The following TTC21B variants were observed in gnomAD, a reference collection of about 807,000 sequenced individuals.
TTC21B encodes tetratricopeptide repeat domain 21B, also known as tetratricopeptide repeat protein 21B.
Under a neutral mutation model 175.1 loss-of-function variants are expected in TTC21B, and 127 were observed. That is an observed-to-expected ratio of 0.73 (90% CI 0.63 to 0.84). The LOEUF is 0.84. Ranked by LOEUF, TTC21B falls within the 40% of genes least tolerant of loss-of-function variation. TTC21B has a pLI of 0.00. For synonymous variants in TTC21B, 524 were observed against 524.5 expected, an observed-to-expected ratio of 1.00 and a Z score of 0.01; for missense variants, 1,561 against 1,558.3, an observed-to-expected ratio of 1.00 and a Z score of -0.03.
intron 11 of TTC21B, among the ~76,000 whole-genome samples, chr2:165,927,292 AGT>A (rs1686701516): frequency 1.0e-5 from 1 of 98,370 alleles, no homozygotes; most frequent in Non-Finnish European, 1.9e-5. Context: ...ATATCCTAGT[AGT>A]TATATATATA....
intron 6 of TTC21B, among the ~76,000 whole-genome samples, chr2:165,936,517 G>A (rs750607447): frequency 6.6e-6 from 1 of 151,922 alleles, no homozygotes; most frequent in Admixed American, 6.6e-5. Flanking sequence ...CAGACTGGGA[G>A]AAAATATTTA....
At chr2:165,907,586 C>T in intron 19 of TTC21B, 92 bp downstream of exon 19, 1 of 820,796 alleles carries the variant, frequency 1.2e-6, no homozygotes, top group Admixed American at 1.9e-5. Context: ...AGCTGTTTGG[C>T]CAAAAGAGAT....
intron 24 of TTC21B, among the ~76,000 whole-genome samples, chr2:165,889,259 C>A (rs1324381087): frequency 2.0e-5 from 3 of 152,192 alleles, no homozygotes; most frequent in Non-Finnish European, 4.4e-5. Context: ...ACTACCACTT[C>A]AAAGTTCTTC....
Position 165,917,493 on chromosome 2 carries a change from T to C in TTC21B, c.1675-12A>G. ...GGATAGTCTCTCACCTGAAGAATAA[T>C]ATTTAATATTTCCTTGGAGTGCTTA... On this transcript the variant is annotated splice_polypyrimidine_tract_variant and intron_variant, in intron 13 of 28. Transcript: ENST00000243344. 6.3e-7 allele frequency: 1 copy of C among 1,587,866 alleles called. No homozygotes were observed. The highest frequency in any genetic ancestry group is 8.6e-7 in the Non-Finnish European group (1 of 1,157,628).
In TTC21B at chr2:165,919,402, C is replaced by T. The variant is rs757424964; in HGVS notation, c.1548G>A (p.Gln516=). ...GDIEAAFNNL[Q]HCLEHNPSYA... ...AAGAGGGATTGTGTTCTAAGCAGTG[C>T]TGAAGGTTATTGAAAGCTGCTTCAA... The change falls in exon 13 of 29, where the codon CAG becomes CAA. Residue 516 remains glutamine (Q), a synonymous_variant. Transcript: ENST00000243344. The T allele has an allele frequency of 6.8e-6, 11 of 1,613,994 alleles. No homozygotes were observed. The highest frequency in any genetic ancestry group is 6.7e-5 in the Admixed American group (4 of 59,998).
chr2:165,877,957 T>C (rs963060945), intron 27 of TTC21B, among the ~76,000 whole-genome samples: 1 of 152,168 alleles, frequency 6.6e-6, no homozygotes, highest in African/African-American at 2.4e-5. Context: ...CATACTTACA[T>C]GGGAACTAGT....
intron 22 of TTC21B, among the ~76,000 whole-genome samples, chr2:165,891,967 T>C (rs534790780): frequency 5.3e-5 from 8 of 152,080 alleles, no homozygotes; most frequent in Admixed American, 3.3e-4. Context: ...GGAGTCACAT[T>C]GGGGTTTTGA....
intron 22 of TTC21B, among the ~76,000 whole-genome samples, chr2:165,891,682 T>C (rs1415387092): frequency 1.3e-5 from 2 of 152,216 alleles, no homozygotes; most frequent in East Asian, 3.9e-4. Context: ...TCTATCTAGT[T>C]CTCTCTTATC....
rs1685996596 is a variant in TTC21B, at chr2:165,912,633, G to A, written c.2212-9C>T. On this transcript the variant is annotated splice_polypyrimidine_tract_variant and intron_variant, in intron 16 of 28. Coordinates refer to ENST00000243344, the MANE Select transcript of TTC21B (RefSeq NM_024753.5). ...ACTATGGCTTCTTCAGGCTAATATT[G>A]CCAGACACAAAAAATAAGCAATAAA... 4.4e-6 allele frequency: 7 copies of A among 1,606,346 alleles called. No individual in the cohort carries two copies. The highest frequency in any genetic ancestry group is 6.0e-6 in the Non-Finnish European group (7 of 1,173,180).
chr2:165,876,041 T>C lies in TTC21B; in HGVS notation c.3873+124A>G. 4 of 678,870 alleles carry C rather than the reference T, an allele frequency of 5.9e-6. No individual in the cohort carries two copies. The South Asian group carries it at 6.6e-5, about 11-fold the overall frequency. 42.1% of individuals were successfully genotyped at this position (678,870 alleles called of 1,614,324 possible). ...CGAACACTGATAATCTCCCTAAACA[T>C]ACTGATAAATCATTTAACTAAAATA... is the stretch of plus-strand genomic sequence containing the variant. On this transcript the variant is annotated intron_variant, in intron 28 of 28. Transcript: ENST00000243344.
Position 165,922,611 on chromosome 2 carries a change from G to GGGAA in TTC21B, c.1516+1934_1516+1937dup, listed in dbSNP as rs1686456291. Reference sequence around the variant, plus strand: ...AGACGTTGGCATGGATGTGGTCAAAGGGAACACTTATACATTGCTAGTGAG... The same window carrying GGGAA: ...AGACGTTGGCATGGATGTGGTCAAAGGGAAGGAACACTTATACATTGCTAGTGAG... On this transcript the variant is annotated intron_variant, in intron 12 of 28. Coordinates refer to ENST00000243344, the MANE Select transcript of TTC21B (RefSeq NM_024753.5). Among the ~76,000 whole-genome samples, 3 of 145,020 alleles carry GGGAA rather than the reference G, an allele frequency of 2.1e-5. No individual in the cohort carries two copies. In the South Asian group the frequency reaches 6.5e-4, roughly 32 times the overall value.
intron 27 of TTC21B, among the ~76,000 whole-genome samples, chr2:165,878,337 T>C (rs1261533057): frequency 2.0e-5 from 3 of 152,082 alleles, no homozygotes; most frequent in South Asian, 2.1e-4. Context: ...AACTCAACTA[T>C]ATGCAATCAG....
At chr2:165,876,904 T>TG (rs1559034210) in intron 27 of TTC21B, among the ~76,000 whole-genome samples, 1 of 152,070 alleles carries the variant, frequency 6.6e-6, no homozygotes, top group Non-Finnish European at 1.5e-5. Context: ...TTAATGAACT[T>TG]GGAGTATGGT....
At chr2:165,880,883 A>C (rs1684813470) in intron 26 of TTC21B, 84 bp from the exon 27 acceptor site, 5 of 1,373,728 alleles carry the variant, frequency 3.6e-6, no homozygotes, top group African/African-American at 1.4e-5. Flanking sequence ...GAGGTCAATC[A>C]TATCAACCCA....
chr2:165,926,756 A>C (rs1422759516), intron 11 of TTC21B, among the ~76,000 whole-genome samples: 4 of 151,940 alleles, frequency 2.6e-5, no homozygotes, highest in East Asian at 3.9e-4. Context: ...AATATAAAGC[A>C]GGGAGAAAAA....
At chr2:165,883,557 G>A (rs1684902462) in intron 26 of TTC21B, among the ~76,000 whole-genome samples, 1 of 152,158 alleles carries the variant, frequency 6.6e-6, no homozygotes, top group African/African-American at 2.4e-5. Flanking sequence ...CCGTTAAGTA[G>A]GGCATCACTA....
intron 11 of TTC21B, among the ~76,000 whole-genome samples, chr2:165,928,221 A>G (rs141335729): frequency 1.7e-3 from 264 of 152,310 alleles, no homozygotes; most frequent in African/African-American, 6.1e-3. Flanking sequence ...ATCCACAAGG[A>G]ATATGATAAC....
intron 27 of TTC21B, among the ~76,000 whole-genome samples, chr2:165,877,595 T>C (rs1291733583): frequency 1.3e-5 from 2 of 152,206 alleles, no homozygotes; most frequent in Non-Finnish European, 2.9e-5. Flanking sequence ...TTTGTGTAAG[T>C]ATACTCTAAG....
Position 165,931,847 on chromosome 2 carries a change from T to C in TTC21B, c.805A>G (p.Lys269Glu). The change falls in exon 8 of 29, where the codon AAG becomes GAG. Residue 269 changes from lysine to glutamate, a missense_variant. Lys to Glu is a moderately conservative substitution (Grantham distance 56). Coordinates refer to ENST00000243344, the MANE Select transcript of TTC21B (RefSeq NM_024753.5). ...AATGTATTTCCCAAGTTTTCCAGCT[T>C]GGTGGAAGCCTAAAACAAAAGGAAC... is the stretch of plus-strand genomic sequence containing the variant. ...REGDIEKAST[K>E]LENLGNTLDA... 6.2e-7 allele frequency: 1 copy of C among 1,612,620 alleles called. No homozygotes were observed. The highest frequency in any genetic ancestry group is 8.5e-7 in the Non-Finnish European group (1 of 1,178,774).
Sources: allele counts gnomAD v4.1 joint callset (sites outside exome capture counted in the v4.1 genomes callset), GRCh38; gene constraint gnomAD v4.1.1; transcripts MANE v1.5; gene names NCBI Gene and HGNC (gene_info 2026-07-23, HGNC 2026-07-21).